The following MGRN1 variants were observed in gnomAD, a reference collection of about 807,000 sequenced individuals.
MGRN1 encodes E3 ubiquitin-protein ligase MGRN1.
A neutral mutation model predicts 69.2 loss-of-function variants in MGRN1; 29 were observed. That is an observed-to-expected ratio of 0.42 (90% CI 0.31 to 0.57). The LOEUF (loss-of-function observed/expected upper bound fraction) is 0.57. Among genes scored for constraint, MGRN1 ranks in the 20% least tolerant of loss-of-function variants. The pLI, the probability that MGRN1 is intolerant of heterozygous loss-of-function variation, is 0.15. For synonymous variants in MGRN1, 470 were observed against 344.2 expected, an observed-to-expected ratio of 1.37 and a Z score of -4.04; for missense variants, 998 against 796.2, an observed-to-expected ratio of 1.25 and a Z score of -3.05.
chr16:4,689,193 G>T lies in MGRN1; in HGVS notation c.*285G>T. ...CAGGGTCCTGTGGGCTGAGCGGCTG[G>T]GGCTGGGGCTGCCCACGTGTGGCCT... On this transcript the variant is annotated 3_prime_UTR_variant, in exon 17 of 17. Coordinates refer to ENST00000262370, the MANE Select transcript of MGRN1 (RefSeq NM_015246.4). 1 of 378,024 alleles carries T rather than the reference G, an allele frequency of 2.6e-6. No individual in the cohort carries two copies. The highest frequency in any genetic ancestry group is 4.7e-6 in the Non-Finnish European group (1 of 213,210). The allele number at this position is 378,024 out of a possible 1,614,324, so 23.4% of individuals were successfully genotyped here. A position where few individuals can be genotyped will look rare whatever the true frequency, so the allele number is the denominator to read the frequency against.
At chr16:4,677,972 C>G (rs992092947) in intron 11 of MGRN1, among the ~76,000 whole-genome samples, 7 of 152,002 alleles carry the variant, frequency 4.6e-5, no homozygotes, top group African/African-American at 1.7e-4. Flanking sequence ...TTCAGCCTCC[C>G]AAGACGCTGT....
chr16:4,658,041 C>A (rs2078591810), intron 5 of MGRN1, among the ~76,000 whole-genome samples: 1 of 151,776 alleles, frequency 6.6e-6, no homozygotes, highest in South Asian at 2.1e-4. Context: ...CGTGCCCGGC[C>A]ATTGCTGCAG....
At chr16:4,680,004 G>T in intron 11 of MGRN1, 28 bp from the exon 12 acceptor site, 3 of 1,610,358 alleles carry the variant, frequency 1.9e-6, no homozygotes, top group Non-Finnish European at 2.5e-6. Flanking sequence ...GGTGGTAGTT[G>T]TAAAACATAT....
chr16:4,661,357 C>CACCCTTTTCTCCT (rs2078676499), intron 5 of MGRN1, among the ~76,000 whole-genome samples: 1 of 152,230 alleles, frequency 6.6e-6, no homozygotes, highest in South Asian at 2.1e-4. Flanking sequence ...GGCCACCTTT[C>CACCCTTTTCTCCT]GCACCCTTTT....
intron 16 of MGRN1, 122 bp from the exon 17 acceptor site, chr16:4,688,674 A>G (rs1263929256): frequency 4.2e-6 from 6 of 1,445,392 alleles, no homozygotes; most frequent in African/African-American, 2.9e-5. Flanking sequence ...TGTTGTGGCC[A>G]CAGGCGGCGG....
intron 5 of MGRN1, among the ~76,000 whole-genome samples, chr16:4,660,939 C>G (rs569323637): frequency 6.6e-6 from 1 of 152,314 alleles, no homozygotes; most frequent in African/African-American, 2.4e-5. Flanking sequence ...CTAGCTGGGT[C>G]CCAGTGGGTG....
chr16:4,659,648 G>A (rs976137714), intron 5 of MGRN1, among the ~76,000 whole-genome samples: 7 of 152,274 alleles, frequency 4.6e-5, no homozygotes, highest in South Asian at 2.1e-4. Context: ...GTGCTGGCTC[G>A]TCTGTGGATG....
chr16:4,651,762 T>C (rs1269544683), intron 2 of MGRN1, among the ~76,000 whole-genome samples: 2 of 152,036 alleles, frequency 1.3e-5, no homozygotes, highest in African/African-American at 4.8e-5. Context: ...TCAGGGTGAT[T>C]TGGTCCTGGC....
chr16:4,681,690 C>T lies in MGRN1; in HGVS notation c.1272C>T (p.Ser424=), dbSNP rs577424986. The change falls in exon 13 of 17, where the codon TCC becomes TCT. Residue 424 remains serine, a synonymous_variant. Coordinates refer to ENST00000262370, the MANE Select transcript of MGRN1 (RefSeq NM_015246.4). ...ATTCAGGCATCTCGGACGGCCTGTC[C>T]CAGGCCAGCTGTCCCCTCGCGGCTA... is the stretch of plus-strand genomic sequence containing the variant. ...ITYSGISDGL[S]QASCPLAAID... 1.9e-6 allele frequency: 3 copies of T among 1,613,324 alleles called. No homozygotes were observed. The highest frequency in any genetic ancestry group is 1.3e-5 in the African/African-American group (1 of 74,948).
intron 16 of MGRN1, chr16:4,688,536 G>T: frequency 8.0e-6 from 10 of 1,256,282 alleles, no homozygotes; most frequent in Non-Finnish European, 1.0e-5. Flanking sequence ...GTCGCGCTCT[G>T]ACTCGGGGCT....
chr16:4,661,464 T>C (rs2078680640), intron 5 of MGRN1, among the ~76,000 whole-genome samples: 1 of 152,246 alleles, frequency 6.6e-6, no homozygotes, highest in African/African-American at 2.4e-5. Context: ...CTGTGTGTTC[T>C]GCCAGCCACA....
chr16:4,675,519 G>A (rs1463705833), intron 10 of MGRN1, among the ~76,000 whole-genome samples: 1 of 152,038 alleles, frequency 6.6e-6, no homozygotes, highest in East Asian at 1.9e-4. Context: ...CAGGAGGATC[G>A]CTTGAGCCCA....
chr16:4,677,636 A>T (rs1020831145), intron 11 of MGRN1, 64 bp downstream of exon 11: 1 of 1,481,476 alleles, frequency 6.8e-7, no homozygotes, highest in East Asian at 2.3e-5. Flanking sequence ...GGCCAGGCGC[A>T]AGGCCCAGAC....
intron 16 of MGRN1, among the ~76,000 whole-genome samples, chr16:4,684,857 G>A (rs1051170384): frequency 4.6e-5 from 7 of 152,218 alleles, no homozygotes; most frequent in African/African-American, 9.7e-5. Flanking sequence ...CTTCCCTCGC[G>A]GCTGCCAGGC....
At chr16:4,653,169 T>G (rs2078446623) in intron 4 of MGRN1, among the ~76,000 whole-genome samples, 1 of 152,142 alleles carries the variant, frequency 6.6e-6, no homozygotes, top group Admixed American at 6.6e-5. Context: ...TAAATCAGGC[T>G]CCCACAGTCC....
At chr16:4,673,260 C>T (rs2078981139) in intron 9 of MGRN1, among the ~76,000 whole-genome samples, 1 of 152,112 alleles carries the variant, frequency 6.6e-6, no homozygotes, top group Non-Finnish European at 1.5e-5. Flanking sequence ...AGACCATGTT[C>T]TCATGATTTG....
At chr16:4,640,981 G>T (rs970039894) in intron 1 of MGRN1, among the ~76,000 whole-genome samples, 1 of 152,214 alleles carries the variant, frequency 6.6e-6, no homozygotes, top group African/African-American at 2.4e-5. Flanking sequence ...AGCGGGAAAG[G>T]GGGTGAAGGC....
chr16:4,686,555 G>C, intron 16 of MGRN1: 1 of 1,339,470 alleles, frequency 7.5e-7, no homozygotes, highest in South Asian at 2.0e-5. Flanking sequence ...CGGCCGGTCA[G>C]GCTCTTCTTC....
chr16:4,686,472 C>G, intron 16 of MGRN1: 6 of 1,395,884 alleles, frequency 4.3e-6, no homozygotes, highest in Admixed American at 3.1e-5. Context: ...GTGGCTGCTG[C>G]ACCTTCCCCC....
Sources: gnomAD v4.1 joint callset for allele counts (sites outside exome capture counted in the v4.1 genomes callset) on GRCh38, gnomAD v4.1.1 for gene constraint, MANE v1.5 for transcripts, NCBI Gene and HGNC (gene_info 2026-07-23, HGNC 2026-07-21) for gene names.